The following VOPP1 variants were observed in gnomAD, a reference collection of about 807,000 sequenced individuals.
VOPP1 encodes the protein WW domain binding protein VOPP1.
Under a neutral mutation model 23.5 loss-of-function variants are expected in VOPP1, and 8 were observed. The observed-to-expected ratio is 0.34, with a 90% CI of 0.20 to 0.61. The LOEUF (loss-of-function observed/expected upper bound fraction) is 0.61, where lower values mean the gene tolerates loss of function less well. VOPP1 is among the 20% of genes least tolerant of loss of function. VOPP1 has a pLI of 0.78. For missense variants in VOPP1, 174 were observed against 238.1 expected, an observed-to-expected ratio of 0.73 and a Z score of 1.77; for synonymous variants, 83 against 97.3, an observed-to-expected ratio of 0.85 and a Z score of 0.86.
At chr7:55,515,446 C>T (rs1194609226) in intron 2 of VOPP1, among the ~76,000 whole-genome samples, 2 of 152,202 alleles carry the variant, frequency 1.3e-5, no homozygotes, top group East Asian at 1.9e-4. Flanking sequence ...CCTCTGGGCA[C>T]AGAACCCCCG....
rs1797666066 is a variant in VOPP1 at position 55,552,788 on chromosome 7, T to C, written c.54+19483A>G. The C allele has an allele frequency of 2.0e-6, 3 of 1,513,308 alleles. No individual in the cohort carries two copies. The Admixed American group carries it at 6.1e-5, about 31-fold the overall frequency. 93.7% of individuals were successfully genotyped at this position (1,513,308 alleles called of 1,614,324 possible). A position where few individuals can be genotyped will look rare whatever the true frequency, so the allele number is the denominator to read the frequency against. On this transcript the variant is annotated intron_variant, in intron 1 of 4. Transcript: ENST00000285279. The stretch of plus-strand genomic sequence containing the variant: ...AGGCAGCAAGTGGAGCCTGTTCTCC[T>C]AGGAAACCTCCCATGGGCTGAGTCA...
intron 1 of VOPP1, among the ~76,000 whole-genome samples, chr7:55,542,346 ACAC>A (rs1242420186): frequency 6.6e-6 from 1 of 152,212 alleles, no homozygotes; most frequent in African/African-American, 2.4e-5. Flanking sequence ...GTGCTACCGA[ACAC>A]CACATCTTAT....
intron 3 of VOPP1, among the ~76,000 whole-genome samples, chr7:55,496,712 G>A (rs932590295): frequency 5.3e-5 from 8 of 152,232 alleles, no homozygotes; most frequent in African/African-American, 1.7e-4. Context: ...CAGGTGTTAA[G>A]GGAGAAAGAT....
chr7:55,513,913 C>G (rs946570047), intron 2 of VOPP1, among the ~76,000 whole-genome samples: 1 of 152,184 alleles, frequency 6.6e-6, no homozygotes, highest in Non-Finnish European at 1.5e-5. Context: ...ATTTGCACAT[C>G]TAAATAGCCA....
intron 4 of VOPP1, among the ~76,000 whole-genome samples, chr7:55,486,752 CA>C (rs1472872384): frequency 6.6e-6 from 1 of 152,006 alleles, no homozygotes; most frequent in Non-Finnish European, 1.5e-5. Flanking sequence ...GATTTGTAAA[CA>C]AAAAAGTATT....
At chr7:55,456,798 G>A (rs559840109) in intron 4 of VOPP1, among the ~76,000 whole-genome samples, 5 of 152,190 alleles carry the variant, frequency 3.3e-5, no homozygotes, top group South Asian at 2.1e-4. Context: ...AGGGCCTGTC[G>A]GGGGATGGGG....
chr7:55,555,613 C>CT (rs544354073), intron 1 of VOPP1, among the ~76,000 whole-genome samples: 2 of 152,164 alleles, frequency 1.3e-5, no homozygotes, highest in Non-Finnish European at 2.9e-5. Context: ...CTAAGCAGCC[C>CT]TTCTCCTTTT....
At chr7:55,521,250 T>C in intron 1 of VOPP1, 120 bp from the exon 2 acceptor site, 5 of 1,030,998 alleles carry the variant, frequency 4.8e-6, no homozygotes, top group Non-Finnish European at 7.1e-6. Context: ...AAAGCTGGGA[T>C]ATCGGGGCAG....
At chr7:55,537,807 C>T (rs1584070551) in intron 1 of VOPP1, 5 of 980,190 alleles carry the variant, frequency 5.1e-6, no homozygotes, top group Non-Finnish European at 6.9e-6. Flanking sequence ...ACAGCCCCCA[C>T]TTCCCCTCCA....
At chr7:55,470,319 T>C (rs1372439143), downstream of VOPP1, among the ~76,000 whole-genome samples, 1 of 152,210 alleles carries the variant, frequency 6.6e-6, no homozygotes, top group Non-Finnish European at 1.5e-5. Context: ...GAGCTGTGTT[T>C]TAAGATGAAG....
chr7:55,552,805 G>T, intron 1 of VOPP1: 1 of 1,487,672 alleles, frequency 6.7e-7, no homozygotes, highest in South Asian at 1.3e-5. Context: ...CCTCCCATGG[G>T]CTGAGTCACT....
intron 4 of VOPP1, among the ~76,000 whole-genome samples, chr7:55,460,969 G>C (rs1238068846): frequency 6.6e-6 from 1 of 151,962 alleles, no homozygotes; most frequent in East Asian, 1.9e-4. Context: ...TCAACGAGTG[G>C]ATAAAGAAAC....
intron 4 of VOPP1, among the ~76,000 whole-genome samples, chr7:55,475,320 G>A (rs1792157541): frequency 6.6e-6 from 1 of 152,144 alleles, no homozygotes; most frequent in Admixed American, 6.5e-5. Context: ...AGAGCCATGT[G>A]GGGTGTGGCC....
chr7:55,525,204 C>G (rs189700131), intron 1 of VOPP1, among the ~76,000 whole-genome samples: 1 of 152,262 alleles, frequency 6.6e-6, no homozygotes, highest in Admixed American at 6.5e-5. Context: ...AGAGTACAGA[C>G]TCTCGGCCGG....
chr7:55,528,886 GTTAAT>G (rs1189556488), intron 1 of VOPP1, among the ~76,000 whole-genome samples: 1 of 152,248 alleles, frequency 6.6e-6, no homozygotes, highest in East Asian at 1.9e-4. Flanking sequence ...TTATGTCATA[GTTAAT>G]TTAAGACACA....
At chr7:55,540,444 A>AATAAATAAATAAAAAT (rs1278816931) in intron 1 of VOPP1, among the ~76,000 whole-genome samples, 3 of 141,520 alleles carry the variant, frequency 2.1e-5, no homozygotes, top group African/African-American at 7.8e-5. Flanking sequence ...TAAATAAATA[A>AATAAATAAATAAAAAT]AAATAAATGA....
intron 1 of VOPP1, among the ~76,000 whole-genome samples, chr7:55,542,412 T>C (rs574334282): frequency 6.5e-4 from 99 of 152,304 alleles, no homozygotes; most frequent in Middle Eastern, 3.4e-3. Flanking sequence ...CATCCCCGTC[T>C]CCCCACTACC....
chr7:55,498,816 A>G (rs960258205), intron 2 of VOPP1, among the ~76,000 whole-genome samples: 1 of 152,190 alleles, frequency 6.6e-6, no homozygotes, highest in African/African-American at 2.4e-5. Context: ...GCAAAGTGAG[A>G]TAACAGCGGC....
intron 2 of VOPP1, among the ~76,000 whole-genome samples, chr7:55,501,448 C>A (rs1794360252): frequency 6.6e-6 from 1 of 152,204 alleles, no homozygotes; most frequent in Non-Finnish European, 1.5e-5. Context: ...CCAGGACTGG[C>A]TCCATTCATC....
Sources: gnomAD v4.1 joint callset for allele counts (sites outside exome capture counted in the v4.1 genomes callset) on GRCh38, gnomAD v4.1.1 for gene constraint, MANE v1.5 for transcripts, NCBI Gene and HGNC (gene_info 2026-07-23, HGNC 2026-07-21) for gene names.